Variants in DACH1 observed in about 807,000 individuals in gnomAD.
DACH1 encodes dachshund family transcription factor 1.
A neutral mutation model predicts 54.2 loss-of-function variants in DACH1; 12 were observed. The ratio of observed to expected loss-of-function variants is 0.22; its 90% CI spans 0.14 to 0.36. The LOEUF (loss-of-function observed/expected upper bound fraction) is 0.36, where lower values mean the gene tolerates loss of function less well. Among genes scored for constraint, DACH1 ranks in the 10% least tolerant of loss-of-function variants. DACH1 has a pLI of 1.00. For synonymous variants in DACH1, 386 were observed against 366.2 expected, an observed-to-expected ratio of 1.05 and a Z score of -0.62; for missense variants, 805 against 929.8, an observed-to-expected ratio of 0.87 and a Z score of 1.75.
intron 3 of DACH1, among the ~76,000 whole-genome samples, chr13:71,581,129 A>C (rs1872823259): frequency 1.3e-5 from 2 of 151,998 alleles, no homozygotes; most frequent in Non-Finnish European, 2.9e-5. Flanking sequence ...CTTCAAATCC[A>C]GACCAATTCT....
At chr13:71,715,132 T>A (rs1882906931) in intron 1 of DACH1, among the ~76,000 whole-genome samples, 1 of 152,144 alleles carries the variant, frequency 6.6e-6, no homozygotes, top group Admixed American at 6.6e-5. Context: ...TAGATCTTTA[T>A]GTCAGATCCA....
Position 71,630,552 on chromosome 13 carries a change from T to C in DACH1, c.1126+4A>G, listed in dbSNP as rs768567292. On this transcript the variant is annotated splice_donor_region_variant and intron_variant, in intron 3 of 10. Coordinates refer to ENST00000613252, the MANE Select transcript of DACH1 (RefSeq NM_080759.6). ...CAATAAGTTTCAGCGAACATAAAAC[T>C]TACCGACACTTGAATTCATGTCCCC... 2 of 1,581,816 alleles carry C rather than the reference T, an allele frequency of 1.3e-6. No homozygotes were observed. Among genetic ancestry groups the C allele is most frequent in the East Asian group, 2.3e-5 (1 of 44,188 alleles).
chr13:71,777,247 C>T (rs762544491), intron 1 of DACH1, among the ~76,000 whole-genome samples: 1 of 149,072 alleles, frequency 6.7e-6, no homozygotes, highest in Non-Finnish European at 1.5e-5. Context: ...TCTTCTTGTC[C>T]GTACGGTATA....
chr13:71,823,367 CATA>C (rs1360208925), intron 1 of DACH1, among the ~76,000 whole-genome samples: 1 of 151,968 alleles, frequency 6.6e-6, no homozygotes, highest in African/African-American at 2.4e-5. Context: ...GATGCATGCA[CATA>C]ATGATACTAA....
intron 3 of DACH1, among the ~76,000 whole-genome samples, chr13:71,624,602 A>G (rs1876506224): frequency 6.6e-6 from 1 of 151,500 alleles, no homozygotes; most frequent in Non-Finnish European, 1.5e-5. Flanking sequence ...CTAGTTACCA[A>G]AACAAACAAA....
chr13:71,496,882 C>A (rs1291677821), intron 6 of DACH1, among the ~76,000 whole-genome samples: 2 of 152,078 alleles, frequency 1.3e-5, no homozygotes, highest in South Asian at 4.1e-4. Flanking sequence ...AACTTATTTC[C>A]TATATTTTAC....
chr13:71,706,988 T>C lies in DACH1; in HGVS notation c.849-25078A>G, dbSNP rs915797432. Among the ~76,000 whole-genome samples, 3 of 152,306 alleles carry C rather than the reference T, an allele frequency of 2.0e-5. No homozygotes were observed. The East Asian group carries it at 5.8e-4, about 29-fold the overall frequency. On this transcript the variant is annotated intron_variant, in intron 1 of 10. Transcript: ENST00000613252. ...TTTCACAAATTATTTGATATTAAAG[T>C]CTTAGATAAACACACATTTGAATGT...
At chr13:71,851,040 C>T (rs946604769) in intron 1 of DACH1, among the ~76,000 whole-genome samples, 8 of 152,134 alleles carry the variant, frequency 5.3e-5, no homozygotes, top group Non-Finnish European at 1.2e-4. Context: ...AGTATGCTTA[C>T]GATCACATAT....
At chr13:71,675,248 T>C (rs2138686969) in intron 2 of DACH1, 2 of 1,582,958 alleles carry the variant, frequency 1.3e-6, no homozygotes, top group East Asian at 2.2e-5. Context: ...ACTGAACTTC[T>C]GATTCGCAGA....
chr13:71,512,011 C>A (rs1880810909), intron 6 of DACH1, among the ~76,000 whole-genome samples: 1 of 151,926 alleles, frequency 6.6e-6, no homozygotes, highest in African/African-American at 2.4e-5. Context: ...CCATTCTATA[C>A]CAGAAAGTGT....
intron 3 of DACH1, among the ~76,000 whole-genome samples, chr13:71,620,158 C>G (rs1176383334): frequency 6.6e-6 from 1 of 151,774 alleles, no homozygotes; most frequent in Non-Finnish European, 1.5e-5. Flanking sequence ...TTTAATAAGG[C>G]CATTTCCAAA....
chr13:71,596,647 T>C (rs1874115692), intron 3 of DACH1, among the ~76,000 whole-genome samples: 1 of 152,184 alleles, frequency 6.6e-6, no homozygotes, highest in South Asian at 2.1e-4. Context: ...TATCTCACCA[T>C]GTTGTATTAG....
chr13:71,613,979 C>A (rs572398133), intron 3 of DACH1, among the ~76,000 whole-genome samples: 2 of 152,126 alleles, frequency 1.3e-5, no homozygotes, highest in African/African-American at 4.8e-5. Context: ...TGAGCCACCA[C>A]GCCCAGCATC....
chr13:71,806,378 T>C (rs1887502965), intron 1 of DACH1, among the ~76,000 whole-genome samples: 1 of 152,210 alleles, frequency 6.6e-6, no homozygotes, highest in Admixed American at 6.5e-5. Flanking sequence ...GTGGCATTAA[T>C]GTTATACCCT....
At chr13:71,743,877 CT>C (rs1287145965) in intron 1 of DACH1, among the ~76,000 whole-genome samples, 19 of 152,236 alleles carry the variant, frequency 1.2e-4, no homozygotes, top group South Asian at 8.3e-4. Flanking sequence ...TCAGCTTCTC[CT>C]AATTATGTTG....
At chr13:71,591,437 T>TA (rs1056948608) in intron 3 of DACH1, among the ~76,000 whole-genome samples, 1 of 152,136 alleles carries the variant, frequency 6.6e-6, no homozygotes, top group African/African-American at 2.4e-5. Flanking sequence ...GAAAAACTGT[T>TA]AAAAAATCTT....
intron 7 of DACH1, among the ~76,000 whole-genome samples, chr13:71,481,079 T>C (rs1242382268): frequency 2.0e-5 from 3 of 152,220 alleles, no homozygotes; most frequent in African/African-American, 7.2e-5. Flanking sequence ...AAAGAGATCA[T>C]TACATCAAGT....
At chr13:71,863,729 A>C (rs1248812999) in intron 1 of DACH1, among the ~76,000 whole-genome samples, 1 of 151,920 alleles carries the variant, frequency 6.6e-6, no homozygotes, top group Non-Finnish European at 1.5e-5. Flanking sequence ...AACATTGATT[A>C]TAACATTTAT....
chr13:71,620,673 G>A (rs1392489907), intron 3 of DACH1, among the ~76,000 whole-genome samples: 1 of 151,868 alleles, frequency 6.6e-6, no homozygotes, highest in African/African-American at 2.4e-5. Context: ...TCAGTGTGAT[G>A]TTTTGAACTT....
Sources: gnomAD v4.1 joint callset for allele counts (sites outside exome capture counted in the v4.1 genomes callset) on GRCh38, gnomAD v4.1.1 for gene constraint, MANE v1.5 for transcripts, NCBI Gene and HGNC (gene_info 2026-07-23, HGNC 2026-07-21) for gene names.